The following PRDM11 variants were observed in gnomAD, a reference collection of about 807,000 sequenced individuals.
The protein encoded by PRDM11 is PR/SET domain 11.
PRDM11 carries 20 observed loss-of-function variants against 97.8 expected under a neutral mutation model. That is an observed-to-expected ratio of 0.20 (90% CI 0.14 to 0.30). The LOEUF (loss-of-function observed/expected upper bound fraction) is 0.30. PRDM11 is among the 10% of genes least tolerant of loss of function. The probability of loss-of-function intolerance (pLI) is 1.00; values close to 1 mark genes in which losing one functional copy is unlikely to be tolerated. For synonymous variants in PRDM11, 599 were observed against 637.7 expected (o/e 0.94, Z 0.91); for missense variants, 1,139 against 1,555.2 (o/e 0.73, Z 4.50).
chr11:45,228,718 G>A lies in PRDM11; in HGVS notation c.*559G>A, dbSNP rs189329599. ...TCTGTCTGCATTTGGGAGGCAGGGG[G>A]GTTGACCTTTCTCCCTCCCCACCTG... On this transcript the variant is annotated 3_prime_UTR_variant, in exon 8 of 8. Coordinates refer to ENST00000683152, the MANE Select transcript of PRDM11 (RefSeq NM_001384648.1). The A allele has an allele frequency of 1.3e-5, 2 of 152,150 alleles. No homozygotes were observed. The highest frequency in any genetic ancestry group is 1.9e-4 in the East Asian group (1 of 5,176). The allele number at this position is 152,150 out of a possible 1,614,324, so 9.4% of individuals were successfully genotyped here. A position where few individuals can be genotyped will look rare whatever the true frequency, so the allele number is the denominator to read the frequency against.
intron 6 of PRDM11, among the ~76,000 whole-genome samples, chr11:45,220,193 A>T (rs1465892601): frequency 6.6e-6 from 1 of 152,214 alleles, no homozygotes; most frequent in East Asian, 1.9e-4. Flanking sequence ...CCACCGTCAG[A>T]GGCCTGTTGG....
intron 5 of PRDM11, chr11:45,208,770 A>G: frequency 2.8e-6 from 1 of 361,284 alleles, no homozygotes; most frequent in Non-Finnish European, 5.5e-6. Context: ...AGGTTGCCCC[A>G]GGTGCCTCCT....
intron 1 of PRDM11, among the ~76,000 whole-genome samples, chr11:45,152,129 A>G (rs1419835816): frequency 2.0e-5 from 3 of 152,158 alleles, no homozygotes; most frequent in African/African-American, 7.2e-5. Flanking sequence ...ATGCAGTTGC[A>G]TGATCTCAGC....
intron 1 of PRDM11, among the ~76,000 whole-genome samples, chr11:45,175,419 C>T (rs1852304927): frequency 1.3e-5 from 2 of 152,210 alleles, no homozygotes; most frequent in South Asian, 4.1e-4. Flanking sequence ...GCATCTTTCA[C>T]ATAATAACTT....
rs556992795 is a variant in PRDM11, at chr11:45,155,781, G to C, written c.-7+8904G>C. On this transcript the variant is annotated intron_variant, in intron 1 of 7. Transcript: ENST00000683152. ...TCTTGACCCCAGAGAGGAGATATTG[G>C]GTCTCCAGAAGAGCAAGCAGAAAAG... Among the ~76,000 whole-genome samples the C allele has an allele frequency of 1.4e-4, 22 of 151,920 alleles. 1 individual carries two copies. The highest frequency in any genetic ancestry group is 2.6e-4 in the Admixed American group (4 of 15,262).
chr11:45,096,445 A>C (rs1017542611), intron 1 of PRDM11, among the ~76,000 whole-genome samples: 1 of 152,154 alleles, frequency 6.6e-6, no homozygotes, highest in East Asian at 1.9e-4. Flanking sequence ...TGAAGTTGTG[A>C]GATTATAGGT....
chr11:45,214,621 C>T (rs78581248), intron 5 of PRDM11: 3 of 152,230 alleles, frequency 2.0e-5, no homozygotes, highest in African/African-American at 4.8e-5. Context: ...TCCTGTCCAA[C>T]AGCCTGATGG....
At chr11:45,183,165 A>T (rs1169019063) in intron 4 of PRDM11, 42 bp downstream of exon 4, 1 of 1,576,888 alleles carries the variant, frequency 6.3e-7, no homozygotes, top group Non-Finnish European at 8.6e-7. Context: ...GTTGCCAAGA[A>T]ACATGGAAGG....
intron 1 of PRDM11, among the ~76,000 whole-genome samples, chr11:45,101,247 G>A (rs776018990): frequency 6.6e-6 from 1 of 152,152 alleles, no homozygotes; most frequent in Non-Finnish European, 1.5e-5. Flanking sequence ...AGACCTGGGA[G>A]GTCTCCTTCA....
At chr11:45,204,129 T>C (rs1853425970) in intron 4 of PRDM11, among the ~76,000 whole-genome samples, 1 of 152,050 alleles carries the variant, frequency 6.6e-6, no homozygotes, top group South Asian at 2.1e-4. Context: ...TGAAAGAAAA[T>C]AAAACTTAGC....
In PRDM11 at chr11:45,185,441, G is replaced by T. The variant is rs374303510; in HGVS notation, c.486+2318G>T. Among the ~76,000 whole-genome samples the T allele has an allele frequency of 4.6e-5, 7 of 152,318 alleles. No individual in the cohort carries two copies. In the South Asian group the frequency reaches 8.3e-4, roughly 18 times the overall value. Reference sequence around the variant, plus strand: ...GACCAGGCATAGTCATTTCCTAGAAGTTTGGTTACAGATAAGATCAGAAGT... The same window carrying T: ...GACCAGGCATAGTCATTTCCTAGAATTTTGGTTACAGATAAGATCAGAAGT... On this transcript the variant is annotated intron_variant, in intron 4 of 7. Coordinates refer to ENST00000683152, the MANE Select transcript of PRDM11 (RefSeq NM_001384648.1).
rs192953584 is a variant in PRDM11 at position 45,189,846 on chromosome 11, T to C, written c.486+6723T>C. On this transcript the variant is annotated intron_variant, in intron 4 of 7. Transcript: ENST00000683152. ...TGGGGACAGGCAGGTGTTACCAAGT[T>C]CGGGGATGCTCAGAGAAGTGAGGAG... Among the ~76,000 whole-genome samples, 18 of 152,168 alleles carry C rather than the reference T, an allele frequency of 1.2e-4. No homozygotes were observed. In the East Asian group the frequency reaches 3.1e-3, roughly 26 times the overall value.
intron 4 of PRDM11, among the ~76,000 whole-genome samples, chr11:45,203,007 T>G (rs982705503): frequency 6.6e-6 from 1 of 152,162 alleles, no homozygotes; most frequent in Non-Finnish European, 1.5e-5. Context: ...GCCATAAATA[T>G]GAGTTTTATT....
At chr11:45,099,413 T>G (rs1038174200) in intron 1 of PRDM11, among the ~76,000 whole-genome samples, 1 of 136,112 alleles carries the variant, frequency 7.3e-6, no homozygotes, top group African/African-American at 2.9e-5. Context: ...ATCGTGCCAC[T>G]GCACTCCAGC....
intron 1 of PRDM11, among the ~76,000 whole-genome samples, chr11:45,140,464 G>T (rs998958821): frequency 2.6e-5 from 4 of 152,202 alleles, no homozygotes; most frequent in Non-Finnish European, 5.9e-5. Context: ...CTGGAATCAA[G>T]AATATTCCCC....
chr11:45,154,798 CTG>C (rs767560353), intron 1 of PRDM11, among the ~76,000 whole-genome samples: 1 of 152,206 alleles, frequency 6.6e-6, no homozygotes, highest in Non-Finnish European at 1.5e-5. Context: ...GCTCAGAAAA[CTG>C]AGGCTCAGAG....
At position 45,233,864 on chromosome 11, in the gene PRDM11, C is replaced by T. The variant is rs1590494034; in HGVS notation, c.*5705C>T. The T allele has an allele frequency of 3.9e-5, 6 of 152,440 alleles. No individual in the cohort carries two copies. Among genetic ancestry groups the T allele is most frequent in the Admixed American group, 3.9e-4 (6 of 15,312 alleles). 9.4% of individuals were successfully genotyped at this position (152,440 alleles called of 1,614,324 possible). A position where few individuals can be genotyped will look rare whatever the true frequency, so the allele number is the denominator to read the frequency against. ...CCAGAAGCAGGGCTTTGGCCCAGCCCGCTCCGCGCAGCAGCTGCTGCTGGC... is the reference window on the plus strand; with the variant it reads ...CCAGAAGCAGGGCTTTGGCCCAGCCTGCTCCGCGCAGCAGCTGCTGCTGGC... On this transcript the variant is annotated 3_prime_UTR_variant, in exon 8 of 8. Transcript: ENST00000683152.
In PRDM11 at chr11:45,214,871, C is replaced by G. The variant is rs145917483; in HGVS notation, c.555-4699C>G. Among the ~76,000 whole-genome samples, 309 of 152,246 alleles carry G rather than the reference C, an allele frequency of 2.0e-3. 2 individuals are homozygous for G. The highest frequency in any genetic ancestry group is 7.2e-3 in the African/African-American group (298 of 41,538). On this transcript the variant is annotated intron_variant, in intron 5 of 7. Transcript: ENST00000683152. ...GGTTGGTGAGAAGGGCTCAAGTGCC[C>G]CTTGATTTCCCTGATTCTATAAACT...
chr11:45,182,319 C>T lies in PRDM11; in HGVS notation c.193C>T (p.Pro65Ser). 6.2e-7 allele frequency: 1 copy of T among 1,614,004 alleles called. No individual in the cohort carries two copies. The highest frequency in any genetic ancestry group is 8.5e-7 in the Non-Finnish European group (1 of 1,180,002). Residue 65 changes from proline (P) to serine (S), a missense_variant, in exon 3 of 8, where the codon CCC becomes TCC. This residue lies in a region of PRDM11 where 429 missense variants were observed against 510.3 expected (regional missense o/e 0.84). Transcript: ENST00000683152. ...KLKGKRDLIV[P>S]KSFQQVDFWF... ...GAAGGGGAAGCGCGACCTCATCGTGCCCAAAAGCTTCCAGCAAGTGGACTT... is the reference window on the plus strand; with the variant it reads ...GAAGGGGAAGCGCGACCTCATCGTGTCCAAAAGCTTCCAGCAAGTGGACTT...
Sources: gnomAD v4.1 joint callset for allele counts (sites outside exome capture counted in the v4.1 genomes callset) on GRCh38, gnomAD v4.1.1 for gene constraint, gnomAD v4.1.1 regional missense constraint, MANE v1.5 for transcripts, NCBI Gene and HGNC (gene_info 2026-07-23, HGNC 2026-07-21) for gene names.